Variants in ITGAV observed in about 807,000 individuals in gnomAD.
The protein encoded by ITGAV is integrin subunit alpha V.
A neutral mutation model predicts 143.8 loss-of-function variants in ITGAV; 76 were observed. The observed-to-expected ratio is 0.53, with a 90% CI of 0.44 to 0.64. The LOEUF (loss-of-function observed/expected upper bound fraction) is 0.64. Among genes scored for constraint, ITGAV ranks in the 30% least tolerant of loss-of-function variants. ITGAV has a pLI of 0.00. For synonymous variants in ITGAV, 453 were observed against 446.7 expected (o/e 1.01, Z -0.18); for missense variants, 1,193 against 1,274.7 (o/e 0.94, Z 0.98).
In ITGAV at chr2:186,622,294, G is replaced by A. The variant is rs200177898; in HGVS notation, c.317-45G>A. Reference sequence around the variant, plus strand: ...GGATAAAAATAAACTGTTATATTAAGAATAGTATATTTTGTGTCTTACCAC... The same window carrying A: ...GGATAAAAATAAACTGTTATATTAAAAATAGTATATTTTGTGTCTTACCAC... On this transcript the variant is annotated intron_variant, in intron 2 of 29. Transcript: ENST00000261023. The A allele has an allele frequency of 3.2e-4, 406 of 1,278,316 alleles. No individual in the cohort carries two copies. In the African/African-American group the frequency reaches 3.9e-3, roughly 12 times the overall value. 79.2% of individuals were successfully genotyped at this position (1,278,316 alleles called of 1,614,324 possible). A position where few individuals can be genotyped will look rare whatever the true frequency, so the allele number is the denominator to read the frequency against.
At chr2:186,598,171 T>C (rs1052641695) in intron 1 of ITGAV, among the ~76,000 whole-genome samples, 1 of 152,070 alleles carries the variant, frequency 6.6e-6, no homozygotes, top group Admixed American at 6.6e-5. Context: ...GTTCTTTTGT[T>C]CTAGTATGCA....
chr2:186,591,348 C>T (rs1686610168), intron 1 of ITGAV, among the ~76,000 whole-genome samples: 1 of 152,136 alleles, frequency 6.6e-6, no homozygotes, highest in South Asian at 2.1e-4. Context: ...TAGAAATTGT[C>T]TCCGACTTTA....
intron 2 of ITGAV, among the ~76,000 whole-genome samples, chr2:186,616,188 A>G (rs372259522): frequency 4.6e-5 from 7 of 151,960 alleles, no homozygotes; most frequent in African/African-American, 1.4e-4. Context: ...CATTATAAAT[A>G]TATCACTGTT....
intron 2 of ITGAV, among the ~76,000 whole-genome samples, chr2:186,620,904 ATAATTT>A (rs1301473754): frequency 3.9e-5 from 6 of 152,216 alleles, no homozygotes; most frequent in Admixed American, 2.6e-4. Context: ...TTATAAAATG[ATAATTT>A]TAATGTTATC....
At chr2:186,670,083 G>A (rs1197626988) in intron 26 of ITGAV, 2 of 380,708 alleles carry the variant, frequency 5.3e-6, no homozygotes, top group East Asian at 6.2e-5. Context: ...CCTCTTTCTG[G>A]GCCTCCTCCT....
In ITGAV at chr2:186,641,495, T is replaced by C; in HGVS notation, c.1066T>C (p.Phe356Leu). ...SVSLQRASGD[F>L]QTTKLNGFEV... is the part of the protein sequence containing the mutation. The stretch of plus-strand genomic sequence containing the variant: ...GTCTCTACAGAGAGCTTCAGGAGAC[T>C]TCCAGACGACAAAGCTGAATGGATT... Residue 356 changes from phenylalanine (F) to leucine (L), a missense_variant, in exon 12 of 30, where the codon TTC (phenylalanine) becomes CTC (leucine). Physicochemically the swap from Phe to Leu is conservative, Grantham distance 22. Transcript: ENST00000261023. 2.5e-6 allele frequency: 4 copies of C among 1,614,192 alleles called. No individual in the cohort carries two copies. The highest frequency in any genetic ancestry group is 3.4e-6 in the Non-Finnish European group (4 of 1,179,996).
intron 12 of ITGAV, among the ~76,000 whole-genome samples, chr2:186,645,763 C>T (rs762775702): frequency 7.3e-5 from 11 of 151,082 alleles, no homozygotes; most frequent in Admixed American, 4.0e-4. Context: ...GTCAGGAGAT[C>T]GAGACCATCC....
chr2:186,595,230 T>C (rs960892310), intron 1 of ITGAV, among the ~76,000 whole-genome samples: 22 of 152,244 alleles, frequency 1.4e-4, no homozygotes, highest in Non-Finnish European at 2.8e-4. Flanking sequence ...CAGCTAAATA[T>C]ATTAAACATG....
At chr2:186,652,223 T>C (rs1688454852) in intron 15 of ITGAV, 134 bp downstream of exon 15, 1 of 632,404 alleles carries the variant, frequency 1.6e-6, no homozygotes, top group Non-Finnish European at 2.8e-6. Flanking sequence ...TTTCTATTCT[T>C]TTTTTATTTG....
chr2:186,669,973 A>T, intron 26 of ITGAV, 159 bp downstream of exon 26: 1 of 598,814 alleles, frequency 1.7e-6, no homozygotes. Context: ...TCCTAGTCAG[A>T]TTAATGCCAT....
At chr2:186,640,187 C>T (rs1403833213) in intron 10 of ITGAV, among the ~76,000 whole-genome samples, 2 of 152,082 alleles carry the variant, frequency 1.3e-5, no homozygotes, top group African/African-American at 2.4e-5. Context: ...TAGAGCTTTC[C>T]TTTTTCACAT....
intron 22 of ITGAV, 72 bp from the exon 23 acceptor site, chr2:186,667,078 A>T (rs1164549421): frequency 8.8e-7 from 1 of 1,133,396 alleles, no homozygotes; most frequent in Non-Finnish European, 1.3e-6. Flanking sequence ...TTTTAGTTTC[A>T]CTGGGTTTGC....
At chr2:186,635,712 A>G (rs1304587250) in intron 6 of ITGAV, among the ~76,000 whole-genome samples, 1 of 152,196 alleles carries the variant, frequency 6.6e-6, no homozygotes, top group African/African-American at 2.4e-5. Flanking sequence ...AATTGAACCA[A>G]TTATTCTGAT....
At chr2:186,597,656 C>T (rs989529306) in intron 1 of ITGAV, among the ~76,000 whole-genome samples, 8 of 152,120 alleles carry the variant, frequency 5.3e-5, no homozygotes, top group African/African-American at 1.9e-4. Context: ...GGACCAGTAC[C>T]AGTCCATAGC....
At chr2:186,623,714 T>A (rs1285966949) in intron 3 of ITGAV, among the ~76,000 whole-genome samples, 1 of 152,096 alleles carries the variant, frequency 6.6e-6, no homozygotes, top group African/African-American at 2.4e-5. Flanking sequence ...GAAAAACAAA[T>A]AAAAAACTAT....
At chr2:186,666,032 C>T (rs542435332) in intron 21 of ITGAV, among the ~76,000 whole-genome samples, 1 of 152,210 alleles carries the variant, frequency 6.6e-6, no homozygotes, top group African/African-American at 2.4e-5. Context: ...TTCTCTCTAA[C>T]TTTCTGGTTA....
At chr2:186,659,252 G>T in intron 18 of ITGAV, 77 bp downstream of exon 18, 2 of 993,500 alleles carry the variant, frequency 2.0e-6, no homozygotes, top group Non-Finnish European at 2.7e-6. Context: ...TATTAGAGGA[G>T]ATTTCCTTTA....
chr2:186,648,237 CTG>C (rs1355647241), intron 13 of ITGAV, among the ~76,000 whole-genome samples: 1 of 152,120 alleles, frequency 6.6e-6, no homozygotes, highest in Non-Finnish European at 1.5e-5. Flanking sequence ...TCAAGAATCA[CTG>C]TGTCAAGTGT....
intron 2 of ITGAV, among the ~76,000 whole-genome samples, chr2:186,602,521 C>T (rs1212883757): frequency 6.6e-6 from 1 of 152,152 alleles, no homozygotes; most frequent in African/African-American, 2.4e-5. Context: ...AAGCATGACT[C>T]ACTATTGTAG....
Sources: allele counts gnomAD v4.1 joint callset (sites outside exome capture counted in the v4.1 genomes callset), GRCh38; gene constraint gnomAD v4.1.1; transcripts MANE v1.5; gene names NCBI Gene and HGNC (gene_info 2026-07-23, HGNC 2026-07-21).